Variants in GPHN observed in about 807,000 individuals in gnomAD.
GPHN encodes the protein gephyrin.
Under a neutral mutation model 95.5 loss-of-function variants are expected in GPHN, and 17 were observed. That is an observed-to-expected ratio of 0.18 (90% CI 0.12 to 0.27). GPHN has a LOEUF of 0.27. GPHN is among the 10% of genes least tolerant of loss of function. The pLI, the probability that GPHN is intolerant of heterozygous loss-of-function variation, is 1.00. For synonymous variants in GPHN, 320 were observed against 322.5 expected, an observed-to-expected ratio of 0.99 and a Z score of 0.08; for missense variants, 660 against 978.1, an observed-to-expected ratio of 0.67 and a Z score of 4.34.
the GPHN span, among the ~76,000 whole-genome samples, chr14:67,253,275 C>A: frequency 7.9e-5 from 12 of 152,218 alleles, no homozygotes; most frequent in Admixed American, 2.6e-4. Context: ...AGCACTCTTT[C>A]AATGTTAGAT....
In GPHN at chr14:66,780,820, G is replaced by C. The variant is rs79510150; in HGVS notation, c.201+4299G>C. Among the ~76,000 whole-genome samples, 467 of 152,274 alleles carry C rather than the reference G, an allele frequency of 3.1e-3. 10 individuals carry two copies. The highest frequency in any genetic ancestry group is 0.011 in the African/African-American group (443 of 41,550). ...AGTTACAATCGTTTTTGTTTTAGCT[G>C]AAAGAAATGTGAAGCATACGGATGT... On this transcript the variant is annotated intron_variant, in intron 3 of 22. Transcript: ENST00000478722.
At chr14:67,301,451 T>C in the GPHN span, 1 of 1,610,298 alleles carries the variant, frequency 6.2e-7, no homozygotes. Flanking sequence ...CTTTGCTGAA[T>C]ACTCCACATA....
chr14:66,946,900 T>G (rs1029808956), intron 8 of GPHN, among the ~76,000 whole-genome samples: 5 of 152,170 alleles, frequency 3.3e-5, no homozygotes, highest in African/African-American at 4.8e-5. Context: ...ATCTATCATC[T>G]TTCACCTTAA....
At chr14:66,816,927 C>T (rs186643123) in intron 3 of GPHN, among the ~76,000 whole-genome samples, 1 of 152,138 alleles carries the variant, frequency 6.6e-6, no homozygotes, top group Non-Finnish European at 1.5e-5. Flanking sequence ...CTATTACTGT[C>T]CCTGTTTTTC....
intron 2 of GPHN, among the ~76,000 whole-genome samples, chr14:66,726,343 AAATT>A (rs564318391): frequency 1.3e-5 from 2 of 152,374 alleles, no homozygotes; most frequent in Admixed American, 1.3e-4. Context: ...AAAAAGGCAG[AAATT>A]AATTAAATTT....
the GPHN span, among the ~76,000 whole-genome samples, chr14:67,674,124 T>G: frequency 1.3e-5 from 2 of 152,178 alleles, no homozygotes; most frequent in Non-Finnish European, 2.9e-5. Flanking sequence ...CTCTGCTCTA[T>G]TTGCCACAGT....
At chr14:67,053,556 T>C (rs563918555) in intron 10 of GPHN, among the ~76,000 whole-genome samples, 41 of 152,274 alleles carry the variant, frequency 2.7e-4, no homozygotes, top group African/African-American at 9.1e-4. Flanking sequence ...TGGTACCATT[T>C]CTTCTGAAAC....
In GPHN at chr14:66,806,043, C is replaced by T. The variant is rs375565306; in HGVS notation, c.202-18431C>T. Among the ~76,000 whole-genome samples the T allele has an allele frequency of 1.4e-4, 21 of 152,220 alleles. 1 individual carries two copies. In the East Asian group the frequency reaches 2.9e-3, roughly 21 times the overall value. ...CCCCTACGGCAAACTTCTGCCTGGG[C>T]ATCCAGGCGTTTTCATATGTCTGAA... is the stretch of plus-strand genomic sequence containing the variant. On this transcript the variant is annotated intron_variant, in intron 3 of 22. Transcript: ENST00000478722.
At chr14:67,021,148 A>C (rs920686763) in intron 9 of GPHN, among the ~76,000 whole-genome samples, 1 of 152,140 alleles carries the variant, frequency 6.6e-6, no homozygotes, top group African/African-American at 2.4e-5. Flanking sequence ...TATTTGCTAC[A>C]TGCATAAATA....
chr14:66,940,063 G>T (rs1050303434), intron 8 of GPHN, among the ~76,000 whole-genome samples: 46 of 152,104 alleles, frequency 3.0e-4, no homozygotes, highest in African/African-American at 1.1e-3. Context: ...CCTTTTGCTA[G>T]CATTTCAGAC....
intron 8 of GPHN, among the ~76,000 whole-genome samples, chr14:66,964,502 T>A (rs1401125468): frequency 5.3e-5 from 8 of 152,170 alleles, no homozygotes. Flanking sequence ...CCACAAGACA[T>A]CATGGAATGC....
the GPHN span, among the ~76,000 whole-genome samples, chr14:67,711,309 A>T: frequency 1.3e-5 from 2 of 152,344 alleles, no homozygotes; most frequent in East Asian, 1.9e-4. Flanking sequence ...GACACCTTAT[A>T]GTGTTTGGCA....
intron 1 of GPHN, among the ~76,000 whole-genome samples, chr14:66,572,040 A>G (rs1405395417): frequency 6.6e-6 from 1 of 152,084 alleles, no homozygotes; most frequent in Non-Finnish European, 1.5e-5. Flanking sequence ...TTCTTTCTCC[A>G]TTGTGCATTC....
the GPHN span, among the ~76,000 whole-genome samples, chr14:67,672,721 G>A: frequency 6.6e-6 from 1 of 152,136 alleles, no homozygotes; most frequent in African/African-American, 2.4e-5. Flanking sequence ...GGAATTACAG[G>A]TGTGAGCCAC....
intron 4 of GPHN, among the ~76,000 whole-genome samples, chr14:66,849,966 A>T (rs1320965307): frequency 1.3e-5 from 2 of 152,134 alleles, no homozygotes; most frequent in Non-Finnish European, 2.9e-5. Context: ...TATATCCTGA[A>T]TCAAAGGCAT....
At chr14:66,830,952 A>T (rs897192389) in intron 4 of GPHN, among the ~76,000 whole-genome samples, 1 of 152,108 alleles carries the variant, frequency 6.6e-6, no homozygotes, top group Non-Finnish European at 1.5e-5. Context: ...TGTGTTTACT[A>T]TAAGACAGGT....
rs997135493 is a variant in GPHN, at chr14:66,932,464, T to G, written c.828+8172T>G. Among the ~76,000 whole-genome samples, 684 of 123,548 alleles carry G rather than the reference T, an allele frequency of 5.5e-3. 6 individuals carry two copies. The highest frequency in any genetic ancestry group is 0.016 in the African/African-American group (538 of 34,380). 81.1% of individuals were successfully genotyped at this position (123,548 alleles called of 152,430 possible). A position where few individuals can be genotyped will look rare whatever the true frequency, so the allele number is the denominator to read the frequency against. On this transcript the variant is annotated intron_variant, in intron 8 of 22. Coordinates refer to ENST00000478722, the MANE Select transcript of GPHN (RefSeq NM_020806.5). Reference sequence around the variant, plus strand: ...ACCAGGTTTTTTTTTTTTTTTTTTTTTTTTTTTTTTTTTTTTCAGTGCAGC... The same window carrying G: ...ACCAGGTTTTTTTTTTTTTTTTTTTGTTTTTTTTTTTTTTTTCAGTGCAGC...
intron 2 of GPHN, among the ~76,000 whole-genome samples, chr14:66,699,290 T>C (rs141160180): frequency 0.012 from 1,841 of 152,214 alleles, 20 homozygotes; most frequent in Non-Finnish European, 0.018. Context: ...ACATGGCACA[T>C]GTATACATAT....
chr14:67,063,072 T>C (rs1043625734), intron 11 of GPHN, among the ~76,000 whole-genome samples: 8 of 152,372 alleles, frequency 5.3e-5, no homozygotes, highest in African/African-American at 1.7e-4. Flanking sequence ...TTTAAGTCTT[T>C]AATCCATCTT....
Sources: allele counts gnomAD v4.1 joint callset (sites outside exome capture counted in the v4.1 genomes callset), GRCh38; gene constraint gnomAD v4.1.1; transcripts MANE v1.5; gene names NCBI Gene and HGNC (gene_info 2026-07-23, HGNC 2026-07-21).